MGMT: variants seen among roughly 807,000 people sequenced by gnomAD.
MGMT encodes methylated-DNA--protein-cysteine methyltransferase.
A neutral mutation model predicts 15.9 loss-of-function variants in MGMT; 14 were observed. The ratio of observed to expected loss-of-function variants is 0.88; its 90% CI spans 0.58 to 1.37. MGMT has a LOEUF of 1.37. Ranked by LOEUF, MGMT falls within the 40% of genes most tolerant of loss-of-function variation. The pLI is 0.00. For missense variants in MGMT, 282 were observed against 268.1 expected (o/e 1.05, Z -0.36); for synonymous variants, 130 against 118.2 (o/e 1.10, Z -0.65).
chr10:129,765,323 T>C lies in MGMT; in HGVS notation c.415-1465T>C, dbSNP rs988767424. ...TGGGAAGCCATTCTGGAGCAGATCTTCACAGTAACTGCTTGTTGGGAAGCT... is the reference window on the plus strand; with the variant it reads ...TGGGAAGCCATTCTGGAGCAGATCTCCACAGTAACTGCTTGTTGGGAAGCT... On this transcript the variant is annotated intron_variant, in intron 4 of 4. Coordinates refer to ENST00000651593, the MANE Select transcript of MGMT (RefSeq NM_002412.5). Among the ~76,000 whole-genome samples, 21 of 152,178 alleles carry C rather than the reference T, an allele frequency of 1.4e-4. No homozygotes were observed. The Middle Eastern group carries it at 0.017, about 123-fold the overall frequency.
At chr10:129,468,135 C>G (rs1845191064) in intron 1 of MGMT, among the ~76,000 whole-genome samples, 1 of 152,134 alleles carries the variant, frequency 6.6e-6, no homozygotes, top group Admixed American at 6.5e-5. Context: ...CATAGACATC[C>G]AAATAGAAAC....
chr10:129,558,580 T>G (rs1252045573), intron 2 of MGMT, among the ~76,000 whole-genome samples: 1 of 152,184 alleles, frequency 6.6e-6, no homozygotes, highest in African/African-American at 2.4e-5. Flanking sequence ...TCCTGTTTTC[T>G]CTTTTAAAAT....
At chr10:129,616,214 A>G (rs74160241) in intron 2 of MGMT, among the ~76,000 whole-genome samples, 1,638 of 152,338 alleles carry the variant, frequency 0.011, 33 homozygotes, top group African/African-American at 0.037. Flanking sequence ...CCTGGCTCAC[A>G]TACTCCTACA....
chr10:129,657,894 G>A (rs1847550880), intron 2 of MGMT, among the ~76,000 whole-genome samples: 1 of 152,098 alleles, frequency 6.6e-6, no homozygotes, highest in African/African-American at 2.4e-5. Flanking sequence ...CATCCCATGA[G>A]TGCAAAGCCT....
chr10:129,663,300 T>C (rs1173868155), intron 2 of MGMT, among the ~76,000 whole-genome samples: 2 of 152,230 alleles, frequency 1.3e-5, no homozygotes, highest in African/African-American at 4.8e-5. Flanking sequence ...CGTAATAGAA[T>C]GTCTGTAAAA....
chr10:129,476,034 G>C (rs1015509413), intron 1 of MGMT, among the ~76,000 whole-genome samples: 1 of 152,220 alleles, frequency 6.6e-6, no homozygotes, highest in Non-Finnish European at 1.5e-5. Context: ...GGTGGTCCCT[G>C]CCTCCCTCGG....
intron 2 of MGMT, among the ~76,000 whole-genome samples, chr10:129,612,278 A>G (rs551956164): frequency 3.3e-5 from 5 of 152,316 alleles, no homozygotes; most frequent in South Asian, 2.1e-4. Flanking sequence ...TTCAGAGAGA[A>G]TAACTTGTAA....
At chr10:129,758,422 G>A (rs1848831671) in intron 3 of MGMT, among the ~76,000 whole-genome samples, 1 of 152,082 alleles carries the variant, frequency 6.6e-6, no homozygotes, top group Non-Finnish European at 1.5e-5. Context: ...AAGACAATAG[G>A]TACTGATTCA....
intron 3 of MGMT, among the ~76,000 whole-genome samples, chr10:129,755,209 C>T (rs1848791222): frequency 1.3e-5 from 2 of 152,310 alleles, no homozygotes; most frequent in Non-Finnish European, 2.9e-5. Context: ...AACCAGAATC[C>T]CCCTTTCCCT....
chr10:129,708,315 G>C (rs1449320747), intron 3 of MGMT, among the ~76,000 whole-genome samples: 2 of 152,184 alleles, frequency 1.3e-5, no homozygotes, highest in Admixed American at 1.3e-4. Context: ...TGGCTGAAAG[G>C]TTTAAATAGG....
chr10:129,713,726 T>C (rs915089408), intron 3 of MGMT, among the ~76,000 whole-genome samples: 1 of 152,234 alleles, frequency 6.6e-6, no homozygotes, highest in East Asian at 1.9e-4. Flanking sequence ...CTGGTGGGGA[T>C]GGAGGTGGTG....
intron 2 of MGMT, among the ~76,000 whole-genome samples, chr10:129,651,400 CT>C (rs35356441): frequency 2.0e-5 from 3 of 150,706 alleles, no homozygotes; most frequent in East Asian, 2.0e-4. Flanking sequence ...CTAGGAAAAC[CT>C]TTTTTTTAAG....
chr10:129,623,518 C>A (rs774473362), intron 2 of MGMT, among the ~76,000 whole-genome samples: 2 of 152,112 alleles, frequency 1.3e-5, no homozygotes, highest in African/African-American at 2.4e-5. Flanking sequence ...ATATATATAA[C>A]CTTTTTAAGT....
At position 129,763,000 on chromosome 10, in the gene MGMT, G is replaced by C. The variant is rs190756189; in HGVS notation, c.414+3659G>C. 3.4e-3 allele frequency among the ~76,000 whole-genome samples: 521 copies of C among 152,156 alleles called. 2 individuals carry two copies. Among genetic ancestry groups the C allele is most frequent in the Non-Finnish European group, 6.3e-3 (431 of 68,002 alleles). ...TGCCCAGAAGAACAAAGGCGAAGTT[G>C]GAAAAAATATTCAGCCGGTACCAGA... On this transcript the variant is annotated intron_variant, in intron 4 of 4. Coordinates refer to ENST00000651593, the MANE Select transcript of MGMT (RefSeq NM_002412.5).
chr10:129,623,734 T>G (rs969652778), intron 2 of MGMT, among the ~76,000 whole-genome samples: 2 of 152,116 alleles, frequency 1.3e-5, no homozygotes, highest in African/African-American at 2.4e-5. Flanking sequence ...TTGCCCAGAC[T>G]AGTCACCAAC....
chr10:129,541,070 C>T (rs1384724857), intron 2 of MGMT, among the ~76,000 whole-genome samples: 1 of 152,210 alleles, frequency 6.6e-6, no homozygotes, highest in Non-Finnish European at 1.5e-5. Context: ...AGATAAATTA[C>T]AGGTTGACCA....
intron 2 of MGMT, among the ~76,000 whole-genome samples, chr10:129,546,127 T>C (rs1228186945): frequency 6.6e-6 from 1 of 152,260 alleles, no homozygotes; most frequent in Non-Finnish European, 1.5e-5. Flanking sequence ...GCTCATTCTC[T>C]AAACGTGTGA....
intron 2 of MGMT, among the ~76,000 whole-genome samples, chr10:129,538,973 G>GT (rs1425064377): frequency 6.6e-6 from 1 of 152,104 alleles, no homozygotes; most frequent in Non-Finnish European, 1.5e-5. Context: ...TCTTGTTTGT[G>GT]TTTTTGTTGA....
intron 2 of MGMT, among the ~76,000 whole-genome samples, chr10:129,540,720 C>T (rs1451082825): frequency 2.0e-5 from 3 of 152,176 alleles, no homozygotes; most frequent in Admixed American, 2.0e-4. Flanking sequence ...GAAGCATTCC[C>T]TCTTCTATTT....
Sources: allele counts gnomAD v4.1 joint callset (sites outside exome capture counted in the v4.1 genomes callset), GRCh38; gene constraint gnomAD v4.1.1; transcripts MANE v1.5; gene names NCBI Gene and HGNC (gene_info 2026-07-23, HGNC 2026-07-21).